PAFAH1B1: variants seen among roughly 807,000 people sequenced by gnomAD.
PAFAH1B1 encodes platelet-activating factor acetylhydrolase IB subunit beta.
In PAFAH1B1, 2 loss-of-function variants were observed where a neutral mutation model predicts 57.5. That is an observed-to-expected ratio of 0.03 (90% confidence interval 0.01 to 0.11). The LOEUF is 0.11. Ranked by LOEUF, PAFAH1B1 falls within the 10% of genes least tolerant of loss-of-function variation. The pLI is 1.00. For missense variants in PAFAH1B1, 257 were observed against 512.0 expected (o/e 0.50, Z 4.81); for synonymous variants, 152 against 169.6 (o/e 0.90, Z 0.81).
chr17:2,617,009 G>A (rs1567530016), intron 1 of PAFAH1B1, among the ~76,000 whole-genome samples: 1 of 152,052 alleles, frequency 6.6e-6, no homozygotes, highest in Non-Finnish European at 1.5e-5. Flanking sequence ...GGAGGCAGAG[G>A]TTGCAGTGAG....
intron 5 of PAFAH1B1, among the ~76,000 whole-genome samples, chr17:2,669,131 T>C (rs1310858801): frequency 1.3e-5 from 2 of 152,214 alleles, no homozygotes; most frequent in African/African-American, 4.8e-5. Flanking sequence ...TAAAAGTTTA[T>C]ACTTTTTGAC....
intron 1 of PAFAH1B1, among the ~76,000 whole-genome samples, chr17:2,636,436 C>G (rs2068625521): frequency 6.6e-6 from 1 of 152,194 alleles, no homozygotes; most frequent in Non-Finnish European, 1.5e-5. Context: ...CTTTTTCACT[C>G]AGGGCTCATG....
Position 2,613,471 on chromosome 17 carries a change from C to T in PAFAH1B1, c.-191+19465C>T, listed in dbSNP as rs563404667. On this transcript the variant is annotated intron_variant, in intron 1 of 10. Coordinates refer to ENST00000397195, the MANE Select transcript of PAFAH1B1 (RefSeq NM_000430.4). ...GGGCCCGCAGTGTTGGTGGCTGCAGCGGCAGAGCCATGGGGAAGCTGGCCA... is the reference window on the plus strand; with the variant it reads ...GGGCCCGCAGTGTTGGTGGCTGCAGTGGCAGAGCCATGGGGAAGCTGGCCA... The T allele has an allele frequency of 3.7e-5, 9 of 241,346 alleles. 1 individual carries two copies. The South Asian group carries it at 7.1e-4, about 19-fold the overall frequency. 15.0% of individuals were successfully genotyped at this position (241,346 alleles called of 1,614,324 possible).
rs2069443148 is a variant in PAFAH1B1, at chr17:2,684,580, C to G, written c.*2778C>G. 6.6e-6 allele frequency: 1 copy of G among 152,626 alleles called. No individual in the cohort carries two copies. Among genetic ancestry groups the G allele is most frequent in the African/African-American group, 2.4e-5 (1 of 41,434 alleles). The allele number at this position is 152,626 out of a possible 1,614,324, so 9.5% of individuals were successfully genotyped here. A position where few individuals can be genotyped will look rare whatever the true frequency, so the allele number is the denominator to read the frequency against. On this transcript the variant is annotated 3_prime_UTR_variant, in exon 11 of 11. Coordinates refer to ENST00000397195, the MANE Select transcript of PAFAH1B1 (RefSeq NM_000430.4). ...CCCAAATATATATCTGTAACGTGCC[C>G]AAGAAATCCTAGCTGCGCTCTTGAG...
At chr17:2,606,810 C>CTTTTTTTT (rs770011553) in intron 1 of PAFAH1B1, among the ~76,000 whole-genome samples, 1 of 101,714 alleles carries the variant, frequency 9.8e-6, no homozygotes, top group African/African-American at 3.9e-5. Context: ...TGCCTCAGAG[C>CTTTTTTTT]TTTTTTTTTT....
rs2069390951 is a variant in PAFAH1B1 at position 2,681,973 on chromosome 17, C to T, written c.*171C>T. 1.7e-6 allele frequency: 1 copy of T among 591,332 alleles called. No homozygotes were observed. Among genetic ancestry groups the T allele is most frequent in the Admixed American group, 3.1e-5 (1 of 32,072 alleles). 36.6% of individuals were successfully genotyped at this position (591,332 alleles called of 1,614,324 possible). ...CACAAAGTATTCATGCATGGTGAATCCAAATTGTATACTGTAAATTTACAT... is the reference window on the plus strand; with the variant it reads ...CACAAAGTATTCATGCATGGTGAATTCAAATTGTATACTGTAAATTTACAT... On this transcript the variant is annotated 3_prime_UTR_variant, in exon 11 of 11. Coordinates refer to ENST00000397195, the MANE Select transcript of PAFAH1B1 (RefSeq NM_000430.4).
chr17:2,604,999 G>A (rs1439201829), intron 1 of PAFAH1B1, among the ~76,000 whole-genome samples: 1 of 152,184 alleles, frequency 6.6e-6, no homozygotes, highest in African/African-American at 2.4e-5. Context: ...TGTGTAGCTT[G>A]TAGGCAAGTT....
At chr17:2,680,061 G>T in intron 9 of PAFAH1B1, 103 bp from the exon 10 acceptor site, 2 of 1,024,654 alleles carry the variant, frequency 2.0e-6, no homozygotes, top group Middle Eastern at 3.1e-4. Flanking sequence ...TTTTCTTCTG[G>T]TCTTTTGATG....
At chr17:2,617,747 CT>C (rs1187635892) in intron 1 of PAFAH1B1, among the ~76,000 whole-genome samples, 1 of 151,634 alleles carries the variant, frequency 6.6e-6, no homozygotes, top group Non-Finnish European at 1.5e-5. Flanking sequence ...GTGAAACCCC[CT>C]GTCTCTACTA....
chr17:2,596,992 C>T (rs951674179), intron 1 of PAFAH1B1, among the ~76,000 whole-genome samples: 4 of 152,014 alleles, frequency 2.6e-5, no homozygotes, highest in Admixed American at 1.3e-4. Context: ...ACCCGGGAGG[C>T]GGAGGTTGCA....
chr17:2,653,951 G>A (rs566261378), intron 2 of PAFAH1B1, among the ~76,000 whole-genome samples: 1 of 152,164 alleles, frequency 6.6e-6, no homozygotes, highest in South Asian at 2.1e-4. Context: ...TGGGATTACA[G>A]GCGCGTGCCA....
intron 2 of PAFAH1B1, among the ~76,000 whole-genome samples, chr17:2,649,308 C>T (rs556829798): frequency 6.6e-6 from 1 of 151,978 alleles, no homozygotes; most frequent in African/African-American, 2.4e-5. Flanking sequence ...TGCAGTGGCT[C>T]ACACCTTTAA....
chr17:2,649,140 CTG>C (rs138533762), intron 2 of PAFAH1B1, among the ~76,000 whole-genome samples: 40,033 of 149,672 alleles, frequency 0.27, 5,519 homozygotes, highest in Middle Eastern at 0.35. Context: ...TTGCTTGAAA[CTG>C]GGAGGCAGAG....
rs1374014962 is a variant in PAFAH1B1 at position 2,685,432 on chromosome 17, A to G, written c.*3630A>G. 1 of 152,144 alleles carries G rather than the reference A, an allele frequency of 6.6e-6. No individual in the cohort carries two copies. Among genetic ancestry groups the G allele is most frequent in the African/African-American group, 2.4e-5 (1 of 41,362 alleles). 9.4% of individuals were successfully genotyped at this position (152,144 alleles called of 1,614,324 possible). ...GAAAACAGTTCCCCAGATTGTTAAG[A>G]GTTCACTGAAGATATTGACACAATT... On this transcript the variant is annotated 3_prime_UTR_variant, in exon 11 of 11. Transcript: ENST00000397195.
chr17:2,670,598 A>T (rs946468884), intron 6 of PAFAH1B1, among the ~76,000 whole-genome samples: 7 of 152,170 alleles, frequency 4.6e-5, no homozygotes, highest in African/African-American at 1.7e-4. Flanking sequence ...ATTTATCTGT[A>T]TTTGAGTTAA....
intron 1 of PAFAH1B1, among the ~76,000 whole-genome samples, chr17:2,595,617 T>C (rs1456479313): frequency 6.6e-6 from 1 of 152,176 alleles, no homozygotes; most frequent in Non-Finnish European, 1.5e-5. Context: ...GGACACAGTT[T>C]CACAAAATAA....
At chr17:2,624,280 T>G (rs149246865) in intron 1 of PAFAH1B1, among the ~76,000 whole-genome samples, 1 of 152,274 alleles carries the variant, frequency 6.6e-6, no homozygotes, top group African/African-American at 2.4e-5. Context: ...TTCTGAGCCC[T>G]CCAAACTGTT....
At chr17:2,677,033 G>A (rs2069280582) in intron 9 of PAFAH1B1, among the ~76,000 whole-genome samples, 1 of 152,008 alleles carries the variant, frequency 6.6e-6, no homozygotes, top group Non-Finnish European at 1.5e-5. Context: ...GGCGCCTGTA[G>A]TCCCAGCTAC....
chr17:2,665,866 T>C (rs917211378), intron 3 of PAFAH1B1, 150 bp from the exon 4 acceptor site: 2 of 795,946 alleles, frequency 2.5e-6, no homozygotes, highest in Non-Finnish European at 3.7e-6. Flanking sequence ...CTTCCCAAAG[T>C]GCTGGGATTA....
Sources: allele counts gnomAD v4.1 joint callset (sites outside exome capture counted in the v4.1 genomes callset), GRCh38; gene constraint gnomAD v4.1.1; transcripts MANE v1.5; gene names NCBI Gene and HGNC (gene_info 2026-07-23, HGNC 2026-07-21).